CNBD1: variants seen among roughly 807,000 people sequenced by gnomAD.
CNBD1 encodes the protein cyclic nucleotide-binding domain-containing protein 1.
A neutral mutation model predicts 54.4 loss-of-function variants in CNBD1; 71 were observed. The observed-to-expected ratio is 1.30, with a 90% CI of 1.08 to 1.59. CNBD1 has a LOEUF of 1.59. CNBD1 is among the 40% of genes most tolerant of loss of function. The pLI, the probability that CNBD1 is intolerant of heterozygous loss-of-function variation, is 0.00. For synonymous variants in CNBD1, 182 were observed against 170.7 expected (o/e 1.07, Z -0.51); for missense variants, 659 against 518.0 (o/e 1.27, Z -2.64).
intron 4 of CNBD1, among the ~76,000 whole-genome samples, chr8:87,064,367 T>A (rs542278919): frequency 6.6e-6 from 1 of 151,996 alleles, no homozygotes; most frequent in Non-Finnish European, 1.5e-5. Context: ...ATTATTTTAC[T>A]ATCATTTTGT....
intron 10 of CNBD1, among the ~76,000 whole-genome samples, chr8:87,374,115 G>C (rs1432082424): frequency 2.0e-5 from 3 of 151,614 alleles, no homozygotes; most frequent in African/African-American, 7.3e-5. Flanking sequence ...CATAAAAAAA[G>C]AAAATCAGAA....
chr8:87,061,482 C>T (rs1009168624), intron 4 of CNBD1, among the ~76,000 whole-genome samples: 1 of 152,186 alleles, frequency 6.6e-6, no homozygotes, highest in Non-Finnish European at 1.5e-5. Flanking sequence ...TCTGTCCCCA[C>T]TGACTTCCCA....
At chr8:87,314,327 T>C (rs1025199655) in intron 8 of CNBD1, among the ~76,000 whole-genome samples, 1 of 151,902 alleles carries the variant, frequency 6.6e-6, no homozygotes, top group Non-Finnish European at 1.5e-5. Flanking sequence ...AAAAAAGATA[T>C]TACCATTTTT....
intron 2 of CNBD1, among the ~76,000 whole-genome samples, chr8:86,903,272 G>T (rs1340575183): frequency 2.0e-5 from 3 of 152,078 alleles, no homozygotes; most frequent in Admixed American, 6.6e-5. Flanking sequence ...GTGTATAAGT[G>T]TAACTAAGGT....
chr8:87,179,153 C>G (rs965691648), intron 4 of CNBD1, among the ~76,000 whole-genome samples: 2 of 152,122 alleles, frequency 1.3e-5, no homozygotes, highest in African/African-American at 4.8e-5. Context: ...TCGTGATCCA[C>G]CCGCCTTGGC....
chr8:87,020,907 G>A (rs768754530), intron 4 of CNBD1, among the ~76,000 whole-genome samples: 10 of 152,124 alleles, frequency 6.6e-5, no homozygotes, highest in Non-Finnish European at 1.3e-4. Context: ...AGCTTCCTCT[G>A]CACAATAAAA....
At chr8:87,125,105 T>C (rs1452336028) in intron 4 of CNBD1, among the ~76,000 whole-genome samples, 6 of 151,722 alleles carry the variant, frequency 4.0e-5, no homozygotes, top group Admixed American at 2.0e-4. Flanking sequence ...GTAAAAGTCC[T>C]GTACAACAAA....
chr8:86,958,935 TC>T (rs1365352513), intron 4 of CNBD1, among the ~76,000 whole-genome samples: 1 of 152,220 alleles, frequency 6.6e-6, no homozygotes, highest in Non-Finnish European at 1.5e-5. Context: ...TGCAGTTTGT[TC>T]CTAGTGTCAA....
At chr8:87,258,680 C>T (rs1586370093) in intron 6 of CNBD1, among the ~76,000 whole-genome samples, 1 of 152,088 alleles carries the variant, frequency 6.6e-6, no homozygotes, top group South Asian at 2.1e-4. Flanking sequence ...TTAATGTCAA[C>T]CCCAATTTTC....
chr8:86,981,061 T>C (rs562652964), intron 4 of CNBD1, among the ~76,000 whole-genome samples: 50 of 152,206 alleles, frequency 3.3e-4, no homozygotes, highest in Non-Finnish European at 6.3e-4. Context: ...TGGAAGCTTT[T>C]TACAGAAAGT....
intron 4 of CNBD1, among the ~76,000 whole-genome samples, chr8:87,119,948 A>G (rs1811857164): frequency 6.6e-6 from 1 of 151,830 alleles, no homozygotes; most frequent in Non-Finnish European, 1.5e-5. Context: ...ATGGTGTGTT[A>G]TCTTTTTGAT....
intron 5 of CNBD1, among the ~76,000 whole-genome samples, chr8:87,215,520 G>A (rs990948031): frequency 6.6e-6 from 1 of 151,378 alleles, no homozygotes; most frequent in Non-Finnish European, 1.5e-5. Context: ...CCCGGGAGGC[G>A]GAGCTTGCAG....
chr8:87,133,687 C>G (rs1812167135), intron 4 of CNBD1, among the ~76,000 whole-genome samples: 1 of 143,850 alleles, frequency 7.0e-6, no homozygotes, highest in South Asian at 2.3e-4. Flanking sequence ...TATACAACCT[C>G]TTTTAAAGTA....
intron 1 of CNBD1, among the ~76,000 whole-genome samples, chr8:86,877,571 T>G (rs562460215): frequency 6.6e-6 from 1 of 152,270 alleles, no homozygotes; most frequent in Admixed American, 6.5e-5. Context: ...GGCTTCCTCT[T>G]TTGGCTTGCT....
chr8:87,139,029 G>T (rs1191422723), intron 4 of CNBD1, among the ~76,000 whole-genome samples: 1 of 152,164 alleles, frequency 6.6e-6, no homozygotes, highest in East Asian at 1.9e-4. Flanking sequence ...GCAGCTATTG[G>T]TTGGCATAGT....
intron 4 of CNBD1, among the ~76,000 whole-genome samples, chr8:86,970,399 C>T (rs1283894676): frequency 3.9e-5 from 6 of 152,068 alleles, no homozygotes; most frequent in African/African-American, 1.4e-4. Flanking sequence ...TCTTGCTCAC[C>T]AATTCCCCTT....
In CNBD1 at chr8:87,418,042, T is replaced by C. The variant is rs531068123; in HGVS notation, c.214-10504T>C. On this transcript the variant is annotated intron_variant, in intron 2 of 7. Coordinates refer to the CNBD1 transcript ENST00000521593. ...TTCCTGCTCTCCGTTTTTGCAGAAA[T>C]TGATAAACTAATCTTAAAATCAATA... Among the ~76,000 whole-genome samples, 57 of 151,882 alleles carry C rather than the reference T, an allele frequency of 3.8e-4. 1 individual carries two copies. The highest frequency in any genetic ancestry group is 6.3e-4 in the Non-Finnish European group (43 of 67,916).
chr8:87,306,698 C>G (rs10100665), intron 8 of CNBD1, among the ~76,000 whole-genome samples: 57,198 of 150,872 alleles, frequency 0.38, 11,001 homozygotes, highest in Middle Eastern at 0.45. Context: ...ACCGATATGT[C>G]GGAACTAAGC....
chr8:86,920,221 CT>C (rs1809249544), intron 3 of CNBD1, among the ~76,000 whole-genome samples: 1 of 152,066 alleles, frequency 6.6e-6, no homozygotes, highest in African/African-American at 2.4e-5. Context: ...CATAGCATGT[CT>C]GTTTGAAATT....
Sources: allele counts gnomAD v4.1 joint callset (sites outside exome capture counted in the v4.1 genomes callset), GRCh38; gene constraint gnomAD v4.1.1; transcripts MANE v1.5; gene names NCBI Gene and HGNC (gene_info 2026-07-23, HGNC 2026-07-21).